JARID2: variants seen among roughly 807,000 people sequenced by gnomAD.
JARID2 encodes protein Jumonji.
In JARID2, 21 loss-of-function variants were observed where a neutral mutation model predicts 125.6. The observed-to-expected ratio is 0.17, with a 90% CI of 0.12 to 0.24. The LOEUF (loss-of-function observed/expected upper bound fraction) is 0.24. JARID2 is among the 10% of genes least tolerant of loss of function. JARID2 has a pLI of 1.00. For missense variants in JARID2, 1,303 were observed against 1,639.6 expected (o/e 0.79, Z 3.55); for synonymous variants, 736 against 661.6 (o/e 1.11, Z -1.73).
intron 1 of JARID2, among the ~76,000 whole-genome samples, chr6:15,267,892 A>T (rs1192593733): frequency 6.6e-6 from 1 of 152,114 alleles, no homozygotes; most frequent in Non-Finnish European, 1.5e-5. Flanking sequence ...TAGTAAGAAG[A>T]AAGTTGGTTC....
intron 1 of JARID2, among the ~76,000 whole-genome samples, chr6:15,277,730 A>G (rs1325027582): frequency 6.6e-6 from 1 of 151,958 alleles, no homozygotes; most frequent in African/African-American, 2.4e-5. Flanking sequence ...AAGACAACAG[A>G]GAACAGCTTT....
Position 15,321,566 on chromosome 6 carries a change from CAG to C in JARID2, c.46-52550_46-52549del, listed in dbSNP as rs570920148. On this transcript the variant is annotated intron_variant, in intron 1 of 17. Coordinates refer to ENST00000341776, the MANE Select transcript of JARID2 (RefSeq NM_004973.4). ...CTATTCAGAACCAAAGACTGACTGT[CAG>C]GGGGTTTATCTACTTCGTAACTTGT... 4.6e-5 allele frequency among the ~76,000 whole-genome samples: 7 copies of C among 152,202 alleles called. No homozygotes were observed. The South Asian group carries it at 1.2e-3, about 27-fold the overall frequency.
chr6:15,387,945 A>G (rs952533209), intron 2 of JARID2, among the ~76,000 whole-genome samples: 1 of 152,108 alleles, frequency 6.6e-6, no homozygotes, highest in Non-Finnish European at 1.5e-5. Flanking sequence ...ACTCCCAGCC[A>G]TTTTTTATTC....
At chr6:15,375,432 C>A (rs1581473154) in intron 2 of JARID2, among the ~76,000 whole-genome samples, 1 of 152,192 alleles carries the variant, frequency 6.6e-6, no homozygotes, top group East Asian at 1.9e-4. Context: ...GTGCGTCTCT[C>A]AACAAATCTC....
At chr6:15,293,551 A>G (rs772445125) in intron 1 of JARID2, among the ~76,000 whole-genome samples, 1 of 152,220 alleles carries the variant, frequency 6.6e-6, no homozygotes, top group Non-Finnish European at 1.5e-5. Context: ...GTAAACACTG[A>G]GTTCTTAGAA....
At chr6:15,432,466 AC>A (rs200305967) in intron 3 of JARID2, among the ~76,000 whole-genome samples, 13,166 of 151,756 alleles carry the variant, frequency 0.087, 755 homozygotes, top group South Asian at 0.15. Flanking sequence ...AACAACAACA[AC>A]AACAACAACA....
chr6:15,507,843 G>T (rs1182409744), intron 11 of JARID2, among the ~76,000 whole-genome samples: 1 of 152,200 alleles, frequency 6.6e-6, no homozygotes, highest in Non-Finnish European at 1.5e-5. Context: ...GAATGTGAAG[G>T]CCCAGGCCTT....
chr6:15,315,586 T>G (rs959309328), intron 1 of JARID2, among the ~76,000 whole-genome samples: 1 of 152,186 alleles, frequency 6.6e-6, no homozygotes, highest in African/African-American at 2.4e-5. Flanking sequence ...CTGGACTACC[T>G]GAATAATTGA....
intron 2 of JARID2, among the ~76,000 whole-genome samples, chr6:15,377,703 T>G (rs542900983): frequency 6.6e-6 from 1 of 152,090 alleles, no homozygotes; most frequent in South Asian, 2.1e-4. Flanking sequence ...GCACTTTTTT[T>G]TTTTATCTTT....
rs1488587413 is a variant in JARID2, at chr6:15,438,213, G to A, written c.324-13793G>A. The stretch of plus-strand genomic sequence containing the variant: ...ACTGATATATGGCTGGGAGTGTGGA[G>A]TTTGGCAGTGGATTGACACAGTTAA... On this transcript the variant is annotated intron_variant, in intron 3 of 17. Transcript: ENST00000341776. Among the ~76,000 whole-genome samples, 10 of 152,266 alleles carry A rather than the reference G, an allele frequency of 6.6e-5. No individual in the cohort carries two copies. In the South Asian group the frequency reaches 1.7e-3, roughly 25 times the overall value.
chr6:15,516,229 G>A (rs1225306921), intron 16 of JARID2, among the ~76,000 whole-genome samples: 2 of 152,164 alleles, frequency 1.3e-5, no homozygotes, highest in South Asian at 2.1e-4. Context: ...CACCGCAGAC[G>A]AAAACAAGTC....
chr6:15,512,393 G>C lies in JARID2; in HGVS notation c.3135+3G>C. On this transcript the variant is annotated splice_donor_region_variant and intron_variant, in intron 14 of 17. Coordinates refer to ENST00000341776, the MANE Select transcript of JARID2 (RefSeq NM_004973.4). ...GTATGGGCTTTGAGACCGCCAAGGTGAGCAGAGCCGGCCTCCTCCCGCTTG... is the reference window on the plus strand; with the variant it reads ...GTATGGGCTTTGAGACCGCCAAGGTCAGCAGAGCCGGCCTCCTCCCGCTTG... 1 of 1,613,332 alleles carries C rather than the reference G, an allele frequency of 6.2e-7. No individual in the cohort carries two copies. Among genetic ancestry groups the C allele is most frequent in the Non-Finnish European group, 8.5e-7 (1 of 1,179,310 alleles).
At chr6:15,474,266 T>A (rs1206661566) in intron 5 of JARID2, among the ~76,000 whole-genome samples, 1 of 152,240 alleles carries the variant, frequency 6.6e-6, no homozygotes, top group Admixed American at 6.5e-5. Flanking sequence ...TAGCAGTCTT[T>A]CAAAATTAAA....
At chr6:15,247,864 G>A in intron 1 of JARID2, 1 of 985,428 alleles carries the variant, frequency 1.0e-6, no homozygotes, top group Non-Finnish European at 1.2e-6. Context: ...ATTGCAGAGG[G>A]CTGGGTAGAA....
chr6:15,450,359 G>A (rs1393475372), intron 3 of JARID2, among the ~76,000 whole-genome samples: 1 of 151,962 alleles, frequency 6.6e-6, no homozygotes, highest in East Asian at 1.9e-4. Flanking sequence ...TAGTAGAGAC[G>A]GGGTTTCACC....
chr6:15,494,910 C>T (rs1770336269), intron 6 of JARID2, among the ~76,000 whole-genome samples: 1 of 152,178 alleles, frequency 6.6e-6, no homozygotes, highest in African/African-American at 2.4e-5. Context: ...GTGCAGGCTC[C>T]CCCGACCCTG....
intron 4 of JARID2, among the ~76,000 whole-genome samples, chr6:15,464,160 C>T (rs1330652119): frequency 6.6e-6 from 1 of 152,058 alleles, no homozygotes; most frequent in African/African-American, 2.4e-5. Context: ...GCATTTGTCT[C>T]GAGGAGAAAA....
intron 2 of JARID2, among the ~76,000 whole-genome samples, chr6:15,405,376 C>T (rs1418627614): frequency 6.6e-6 from 1 of 152,220 alleles, no homozygotes; most frequent in Non-Finnish European, 1.5e-5. Context: ...CACAAATGGA[C>T]ACTGCCTTGT....
Position 15,497,880 on chromosome 6 carries a change from C to T in JARID2, c.1945+710C>T, listed in dbSNP as rs562834244. On this transcript the variant is annotated intron_variant, in intron 7 of 17. Coordinates refer to ENST00000341776, the MANE Select transcript of JARID2 (RefSeq NM_004973.4). ...TTGGTTTCTCCCGAAACCAACAAGA[C>T]CTCCCTCCTTGGCTTGTGCATGGCT... 1.9e-3 allele frequency among the ~76,000 whole-genome samples: 282 copies of T among 152,272 alleles called. 3 individuals carry two copies. The Middle Eastern group carries it at 0.024, about 13-fold the overall frequency.
Sources: allele counts gnomAD v4.1 joint callset (sites outside exome capture counted in the v4.1 genomes callset), GRCh38; gene constraint gnomAD v4.1.1; transcripts MANE v1.5; gene names NCBI Gene and HGNC (gene_info 2026-07-23, HGNC 2026-07-21).